VWA8: variants seen among roughly 807,000 people sequenced by gnomAD.
VWA8 encodes von Willebrand factor A domain containing 8.
VWA8 carries 221 observed loss-of-function variants against 241.5 expected under a neutral mutation model. That is an observed-to-expected ratio of 0.91 (90% confidence interval 0.82 to 1.02). The LOEUF is 1.02. VWA8 is among the 50% of genes least tolerant of loss of function. The probability of loss-of-function intolerance (pLI) is 0.00; values close to 1 mark genes in which losing one functional copy is unlikely to be tolerated. For missense variants in VWA8, 2,322 were observed against 2,328.7 expected (o/e 1.00, Z 0.06); for synonymous variants, 852 against 827.1 (o/e 1.03, Z -0.52).
At chr13:41,681,986 T>C (rs773205219) in intron 35 of VWA8, among the ~76,000 whole-genome samples, 1 of 152,202 alleles carries the variant, frequency 6.6e-6, no homozygotes. Flanking sequence ...AGTTAAAATT[T>C]CTAAACTTTA....
chr13:41,798,904 C>T (rs775088337), intron 17 of VWA8, among the ~76,000 whole-genome samples: 2 of 152,146 alleles, frequency 1.3e-5, no homozygotes, highest in Non-Finnish European at 2.9e-5. Context: ...GTCTAATTTA[C>T]TAATTAAGTG....
intron 21 of VWA8, among the ~76,000 whole-genome samples, chr13:41,735,413 C>A (rs550011680): frequency 6.6e-6 from 1 of 152,196 alleles, no homozygotes; most frequent in East Asian, 1.9e-4. Context: ...TTAGATTTCT[C>A]AAAAGACTTC....
At chr13:41,907,793 G>A in intron 3 of VWA8, 97 bp from the exon 4 acceptor site, 2 of 1,023,442 alleles carry the variant, frequency 2.0e-6, no homozygotes, top group Non-Finnish European at 1.5e-6. Context: ...CCCATGAGAA[G>A]TGCATTGTTA....
intron 29 of VWA8, among the ~76,000 whole-genome samples, chr13:41,697,067 A>T (rs2045219801): frequency 6.6e-6 from 1 of 152,194 alleles, no homozygotes; most frequent in Non-Finnish European, 1.5e-5. Context: ...ATCTAATATC[A>T]TCTGAGCTTC....
intron 21 of VWA8, among the ~76,000 whole-genome samples, chr13:41,751,731 G>A (rs192605195): frequency 1.2e-3 from 184 of 152,272 alleles, no homozygotes; most frequent in African/African-American, 4.1e-3. Flanking sequence ...AACTATGACA[G>A]AGGAAAAGTA....
At chr13:41,650,788 G>A (rs115999249) in intron 37 of VWA8, among the ~76,000 whole-genome samples, 110 of 152,282 alleles carry the variant, frequency 7.2e-4, no homozygotes, top group African/African-American at 2.6e-3. Flanking sequence ...TAGGGATGCC[G>A]AGGAGGGAGG....
In VWA8 at chr13:41,914,029, G is replaced by A. The variant is rs1010086965; in HGVS notation, c.242-1861C>T. On this transcript the variant is annotated intron_variant, in intron 2 of 44. Coordinates refer to ENST00000379310, the MANE Select transcript of VWA8 (RefSeq NM_015058.2). ...GGCCGAGGCAGGTGGATCACCTGAG[G>A]TCAGAAGTTCAAGACCAGCCTGGCC... Among the ~76,000 whole-genome samples, 15 of 152,320 alleles carry A rather than the reference G, an allele frequency of 9.8e-5. No homozygotes were observed. In the East Asian group the frequency reaches 2.5e-3, roughly 26 times the overall value.
In VWA8 at chr13:41,787,562, G is replaced by C. The variant is rs373046972; in HGVS notation, c.2064-19C>G. On this transcript the variant is annotated intron_variant, in intron 17 of 44. Coordinates refer to ENST00000379310, the MANE Select transcript of VWA8 (RefSeq NM_015058.2). ...TAAAAACCTGGAGGATGAAGAGGGA[G>C]GAAGGGGGAAATGGCTTAAGTCAAA... The C allele has an allele frequency of 3.2e-4, 491 of 1,552,430 alleles. No homozygotes were observed. The highest frequency in any genetic ancestry group is 3.9e-4 in the Non-Finnish European group (441 of 1,125,852).
chr13:41,810,052 C>A (rs1870393850), intron 17 of VWA8, among the ~76,000 whole-genome samples: 1 of 152,056 alleles, frequency 6.6e-6, no homozygotes, highest in South Asian at 2.1e-4. Context: ...AATGAGGTAT[C>A]ACCTCACCCC....
intron 20 of VWA8, among the ~76,000 whole-genome samples, chr13:41,771,965 A>T (rs1593761055): frequency 7.2e-6 from 1 of 137,968 alleles, no homozygotes; most frequent in African/African-American, 2.7e-5. Flanking sequence ...ATCTCAGCTC[A>T]CCGCAACCTC....
At chr13:41,892,775 T>A (rs1874907927) in intron 4 of VWA8, among the ~76,000 whole-genome samples, 1 of 152,198 alleles carries the variant, frequency 6.6e-6, no homozygotes, top group African/African-American at 2.4e-5. Flanking sequence ...GTGAGCACCA[T>A]TGACCCAGGT....
chr13:41,724,384 G>A (rs905518119), intron 24 of VWA8, among the ~76,000 whole-genome samples: 1 of 152,158 alleles, frequency 6.6e-6, no homozygotes, highest in African/African-American at 2.4e-5. Context: ...GTGTGTGTGT[G>A]TTTTGAAGAT....
chr13:41,594,792 AATAATGAGCAAAG>A (rs1297999016), intron 40 of VWA8, among the ~76,000 whole-genome samples: 34 of 152,218 alleles, frequency 2.2e-4, no homozygotes, highest in Admixed American at 9.8e-4. Context: ...AGAAAATTAG[AATAATGAGCAAAG>A]AAATGGAGCA....
chr13:41,703,453 C>A, intron 26 of VWA8, 42 bp from the exon 27 acceptor site: 1 of 1,569,836 alleles, frequency 6.4e-7, no homozygotes, highest in Non-Finnish European at 8.7e-7. Flanking sequence ...CTTATTGTAC[C>A]CAAGTCATAG....
At chr13:41,693,031 A>T (rs1197953533) in intron 29 of VWA8, 59 bp from the exon 30 acceptor site, 1 of 1,076,018 alleles carries the variant, frequency 9.3e-7, no homozygotes. Context: ...TTTTTTTTTA[A>T]AGCAGCAACC....
Position 41,831,355 on chromosome 13 carries a change from T to C in VWA8, c.1587-713A>G, listed in dbSNP as rs555190406. 9.2e-5 allele frequency among the ~76,000 whole-genome samples: 14 copies of C among 152,318 alleles called. No homozygotes were observed. The South Asian group carries it at 2.9e-3, about 32-fold the overall frequency. ...CTGGGTTCAACTCCAGCTGTGCACC[T>C]TACTAGCTGAATGAGTGGGGAGAGG... is the stretch of plus-strand genomic sequence containing the variant. On this transcript the variant is annotated intron_variant, in intron 13 of 44. Coordinates refer to ENST00000379310, the MANE Select transcript of VWA8 (RefSeq NM_015058.2).
At chr13:41,755,767 G>A (rs1485520299) in intron 21 of VWA8, among the ~76,000 whole-genome samples, 1 of 151,646 alleles carries the variant, frequency 6.6e-6, no homozygotes, top group Admixed American at 6.6e-5. Flanking sequence ...ACAGAGCTAA[G>A]AAAGATATTA....
chr13:41,824,635 C>T (rs1365561973), intron 14 of VWA8, among the ~76,000 whole-genome samples: 1 of 151,618 alleles, frequency 6.6e-6, no homozygotes, highest in African/African-American at 2.4e-5. Context: ...CAAGAGCAGC[C>T]TGGGCAACAT....
intron 17 of VWA8, 93 bp from the exon 18 acceptor site, chr13:41,787,636 A>ACG (rs1869265818): frequency 1.3e-6 from 1 of 754,946 alleles, no homozygotes; most frequent in South Asian, 1.6e-5. Flanking sequence ...ACACACACAC[A>ACG]CTCCTTACTA....
Sources: allele counts gnomAD v4.1 joint callset (sites outside exome capture counted in the v4.1 genomes callset), GRCh38; gene constraint gnomAD v4.1.1; transcripts MANE v1.5; gene names NCBI Gene and HGNC (gene_info 2026-07-23, HGNC 2026-07-21).